THSD7B: variants seen among roughly 807,000 people sequenced by gnomAD.
The protein encoded by THSD7B is thrombospondin type 1 domain containing 7B.
THSD7B carries 138 observed loss-of-function variants against 213.6 expected under a neutral mutation model. The ratio of observed to expected loss-of-function variants is 0.65; its 90% confidence interval spans 0.56 to 0.74. THSD7B has a LOEUF of 0.74. Among genes scored for constraint, THSD7B ranks in the 30% least tolerant of loss-of-function variants. The probability of loss-of-function intolerance (pLI) is 0.00; values close to 1 mark genes in which losing one functional copy is unlikely to be tolerated. For synonymous variants in THSD7B, 742 were observed against 687.0 expected (o/e 1.08, Z -1.25); for missense variants, 1,931 against 1,991.5 (o/e 0.97, Z 0.58).
intron 14 of THSD7B, among the ~76,000 whole-genome samples, chr2:137,437,240 C>G (rs1206436299): frequency 6.6e-6 from 1 of 152,122 alleles, no homozygotes; most frequent in Non-Finnish European, 1.5e-5. Flanking sequence ...GCAGCCCAAG[C>G]TCTGATTTGA....
At chr2:136,959,302 A>T (rs945740896) in intron 2 of THSD7B, among the ~76,000 whole-genome samples, 6 of 152,182 alleles carry the variant, frequency 3.9e-5, no homozygotes, top group African/African-American at 1.4e-4. Context: ...TGGAGATGGA[A>T]ACAGATAAGC....
chr2:137,272,121 T>G (rs1682759530), intron 10 of THSD7B, among the ~76,000 whole-genome samples: 1 of 152,122 alleles, frequency 6.6e-6, no homozygotes, highest in Non-Finnish European at 1.5e-5. Flanking sequence ...GTGTTTTGTT[T>G]GCATTATAAA....
intron 12 of THSD7B, among the ~76,000 whole-genome samples, chr2:137,363,259 C>A (rs1002368718): frequency 2.6e-5 from 4 of 152,092 alleles, no homozygotes; most frequent in Non-Finnish European, 5.9e-5. Flanking sequence ...AAATTTAAAG[C>A]ACTAAATGCC....
intron 1 of THSD7B, among the ~76,000 whole-genome samples, chr2:136,766,635 C>T (rs1317708077): frequency 1.3e-5 from 2 of 152,312 alleles, no homozygotes; most frequent in South Asian, 4.1e-4. Context: ...AAGAAAAAAA[C>T]TTTCGTTGGC....
At chr2:136,910,610 CT>C (rs1426420144) in intron 2 of THSD7B, among the ~76,000 whole-genome samples, 4 of 152,010 alleles carry the variant, frequency 2.6e-5, no homozygotes, top group African/African-American at 9.7e-5. Context: ...TATCCAAAGG[CT>C]TTTTAGTACG....
chr2:137,147,692 G>T (rs987736248), intron 5 of THSD7B, among the ~76,000 whole-genome samples: 1 of 152,076 alleles, frequency 6.6e-6, no homozygotes, highest in Non-Finnish European at 1.5e-5. Context: ...ACCTTCTGAA[G>T]GAACACAGGT....
chr2:136,903,925 G>GGT lies in THSD7B; in HGVS notation c.139+21655_139+21656dup, dbSNP rs775988420. ...AGTACCCAGCAGAGTCTTCCTGTGA[G>GGT]GTGTGTGTGTGTGTGTGTGTGTGTG... On this transcript the variant is annotated intron_variant, in intron 2 of 27. Transcript: ENST00000409968. Among the ~76,000 whole-genome samples the GGT allele has an allele frequency of 6.6e-3, 713 of 108,800 alleles. 8 individuals are homozygous for GGT. Among genetic ancestry groups the GGT allele is most frequent in the African/African-American group, 0.022 (646 of 29,442 alleles). 71.4% of individuals were successfully genotyped at this position (108,800 alleles called of 152,430 possible).
intron 15 of THSD7B, among the ~76,000 whole-genome samples, chr2:137,536,943 A>G (rs1680518141): frequency 6.6e-6 from 1 of 151,744 alleles, no homozygotes; most frequent in Non-Finnish European, 1.5e-5. Context: ...CCCAGCACAT[A>G]TTTTCTGTAG....
chr2:137,384,220 C>T (rs1056625646), intron 12 of THSD7B, among the ~76,000 whole-genome samples: 5 of 152,166 alleles, frequency 3.3e-5, no homozygotes, highest in African/African-American at 1.2e-4. Flanking sequence ...GGAGATACCT[C>T]TGGACACAAG....
At chr2:137,168,883 A>G (rs1035275392) in intron 6 of THSD7B, among the ~76,000 whole-genome samples, 1 of 152,182 alleles carries the variant, frequency 6.6e-6, no homozygotes, top group Non-Finnish European at 1.5e-5. Flanking sequence ...ATGCTCGTCA[A>G]GTGAAGTTTA....
In THSD7B at chr2:137,089,597, G is replaced by A. The variant is rs145716439; in HGVS notation, c.951-5276G>A. Among the ~76,000 whole-genome samples the A allele has an allele frequency of 3.1e-3, 477 of 152,010 alleles. 2 individuals carry two copies. Among genetic ancestry groups the A allele is most frequent in the Middle Eastern group, 3.4e-3 (1 of 294 alleles). On this transcript the variant is annotated intron_variant, in intron 3 of 27. Transcript: ENST00000409968. ...CATCATATGTCCTCACTCATAAGTG[G>A]GAGCTAAGTTATGAGGATGCAAAGG...
rs1481849172 is a variant in THSD7B, at chr2:137,056,736, T to G, written c.456T>G (p.Thr152=). Residue 152 remains threonine, a synonymous_variant, in exon 3 of 28, where the codon ACT becomes ACG. Coordinates refer to ENST00000409968, the MANE Select transcript of THSD7B (RefSeq NM_001316349.2). ...GCTGCATTCAGAAGCTGAACCGAAC[T>G]GTGGTTGCAAATGAAATATGCGAAC... ...MVRCIQKLNR[T]VVANEICEHF... is the part of the protein sequence containing the mutation. The G allele has an allele frequency of 3.1e-6, 5 of 1,613,998 alleles. No individual in the cohort carries two copies. The South Asian group carries it at 3.3e-5, about 11-fold the overall frequency.
intron 1 of THSD7B, among the ~76,000 whole-genome samples, chr2:136,812,706 A>C (rs1332978482): frequency 6.6e-6 from 1 of 152,218 alleles, no homozygotes; most frequent in Non-Finnish European, 1.5e-5. Flanking sequence ...AGTAGGTCAC[A>C]CACAAGTAGA....
intron 4 of THSD7B, among the ~76,000 whole-genome samples, chr2:137,099,693 G>C (rs1028054863): frequency 6.6e-5 from 10 of 152,254 alleles, no homozygotes; most frequent in African/African-American, 2.4e-4. Flanking sequence ...TTAGAGTATG[G>C]AATCGAATGT....
At chr2:137,649,556 C>T (rs1160369891) in intron 21 of THSD7B, among the ~76,000 whole-genome samples, 1 of 152,144 alleles carries the variant, frequency 6.6e-6, no homozygotes, top group Non-Finnish European at 1.5e-5. Context: ...ACTGCATGTT[C>T]TTGGCACCTT....
chr2:137,132,921 T>A (rs570092402), intron 5 of THSD7B, among the ~76,000 whole-genome samples: 147 of 152,294 alleles, frequency 9.7e-4, no homozygotes, highest in Admixed American at 2.8e-3. Context: ...CCTTCAAAAA[T>A]GTAAAGACAG....
At chr2:137,043,963 A>G (rs373321386) in intron 2 of THSD7B, among the ~76,000 whole-genome samples, 13 of 152,288 alleles carry the variant, frequency 8.5e-5, no homozygotes, top group Admixed American at 2.0e-4. Flanking sequence ...CCTAGACTGT[A>G]CCCTTCAGAA....
At chr2:137,448,765 C>G (rs1687591896) in intron 14 of THSD7B, among the ~76,000 whole-genome samples, 1 of 151,940 alleles carries the variant, frequency 6.6e-6, no homozygotes, top group African/African-American at 2.4e-5. Flanking sequence ...CGCCACTGCA[C>G]TCCAGCCTGG....
intron 5 of THSD7B, among the ~76,000 whole-genome samples, chr2:137,135,791 A>C (rs747966314): frequency 6.6e-6 from 1 of 152,138 alleles, no homozygotes; most frequent in African/African-American, 2.4e-5. Context: ...TTTGATGAGA[A>C]ATGCATGTTT....
Sources: gnomAD v4.1 joint callset for allele counts (sites outside exome capture counted in the v4.1 genomes callset) on GRCh38, gnomAD v4.1.1 for gene constraint, MANE v1.5 for transcripts, NCBI Gene and HGNC (gene_info 2026-07-23, HGNC 2026-07-21) for gene names.